AK9: variants seen among roughly 807,000 people sequenced by gnomAD.
The protein encoded by AK9 is adenylate kinase domain containing 1.
AK9 carries 191 observed loss-of-function variants against 239.6 expected under a neutral mutation model. The observed-to-expected ratio is 0.80, with a 90% CI of 0.71 to 0.90. The LOEUF is 0.90. AK9 is among the 40% of genes least tolerant of loss of function. AK9 has a pLI of 0.00. For missense variants in AK9, 1,995 were observed against 2,214.7 expected, an observed-to-expected ratio of 0.90 and a Z score of 1.99; for synonymous variants, 689 against 721.0, an observed-to-expected ratio of 0.96 and a Z score of 0.71.
chr6:109,538,520 C>T (rs1782354756), intron 27 of AK9, among the ~76,000 whole-genome samples: 1 of 152,088 alleles, frequency 6.6e-6, no homozygotes, highest in African/African-American at 2.4e-5. Context: ...AGATGGGTCT[C>T]CTGAATACAG....
intron 1 of AK9, among the ~76,000 whole-genome samples, chr6:109,680,184 C>T (rs1405715088): frequency 6.6e-6 from 1 of 152,108 alleles, no homozygotes; most frequent in Non-Finnish European, 1.5e-5. Context: ...TCTAACCCAA[C>T]TCAAGGAAGC....
chr6:109,505,000 C>T (rs1425828692), intron 35 of AK9, among the ~76,000 whole-genome samples: 1 of 152,206 alleles, frequency 6.6e-6, no homozygotes, highest in Non-Finnish European at 1.5e-5. Context: ...CTTTCAAAGT[C>T]TGCTGTGGAG....
rs561738226 is a variant in AK9 at position 109,614,514 on chromosome 6, G to A, written c.1400-34C>T. The A allele has an allele frequency of 1.6e-4, 248 of 1,524,002 alleles. 2 individuals carry two copies. The South Asian group carries it at 2.2e-3, about 13-fold the overall frequency. 94.4% of individuals were successfully genotyped at this position (1,524,002 alleles called of 1,614,324 possible). ...TAACAATGGGTGGTGTTAGCAAAAC[G>A]TAGTTGGGGATAGAAAAACAGGTAG... On this transcript the variant is annotated intron_variant, in intron 13 of 40. Coordinates refer to ENST00000424296, the MANE Select transcript of AK9 (RefSeq NM_001145128.3).
At chr6:109,581,603 A>C (rs1171854691) in intron 19 of AK9, among the ~76,000 whole-genome samples, 1 of 152,178 alleles carries the variant, frequency 6.6e-6, no homozygotes, top group African/African-American at 2.4e-5. Context: ...CCTGGAGAAG[A>C]AAAGTTTGAA....
intron 21 of AK9, among the ~76,000 whole-genome samples, chr6:109,567,497 A>C (rs1349503712): frequency 6.6e-6 from 1 of 152,168 alleles, no homozygotes; most frequent in East Asian, 1.9e-4. Context: ...ATTCTACCAG[A>C]GGTACAAATA....
chr6:109,567,552 A>G (rs1239896232), intron 21 of AK9, among the ~76,000 whole-genome samples: 1 of 152,052 alleles, frequency 6.6e-6, no homozygotes, highest in Non-Finnish European at 1.5e-5. Flanking sequence ...TCAATGGGAA[A>G]AGGGAATCCT....
At chr6:109,629,342 T>A (rs1479658267) in intron 12 of AK9, among the ~76,000 whole-genome samples, 1 of 152,166 alleles carries the variant, frequency 6.6e-6, no homozygotes, top group East Asian at 1.9e-4. Context: ...TTACAAGTAA[T>A]AGGCAATCAT....
intron 17 of AK9, among the ~76,000 whole-genome samples, chr6:109,597,210 T>G (rs1398748347): frequency 1.3e-5 from 2 of 152,178 alleles, no homozygotes; most frequent in Non-Finnish European, 2.9e-5. Flanking sequence ...ATTGCCACAT[T>G]GCTGCCAAAA....
intron 2 of AK9, among the ~76,000 whole-genome samples, chr6:109,674,774 C>T (rs1771457795): frequency 6.6e-6 from 1 of 152,150 alleles, no homozygotes; most frequent in Non-Finnish European, 1.5e-5. Context: ...TCACTGTTGA[C>T]TTTTTAAAAC....
At chr6:109,589,069 T>C (rs1308405980) in intron 17 of AK9, among the ~76,000 whole-genome samples, 2 of 152,256 alleles carry the variant, frequency 1.3e-5, no homozygotes, top group African/African-American at 4.8e-5. Flanking sequence ...GCTCTTTTTA[T>C]TGTTCTGTAC....
intron 24 of AK9, among the ~76,000 whole-genome samples, chr6:109,558,628 A>G (rs1268764599): frequency 1.3e-4 from 20 of 152,170 alleles, no homozygotes. Context: ...CTATAACTTT[A>G]TAATTAATTA....
Position 109,613,401 on chromosome 6 carries a change from T to C in AK9, c.1609+782A>G, listed in dbSNP as rs1793804982. 1.3e-5 allele frequency among the ~76,000 whole-genome samples: 2 copies of C among 151,892 alleles called. 1 individual carries two copies. Among genetic ancestry groups the C allele is most frequent in the South Asian group, 4.1e-4 (2 of 4,832 alleles). On this transcript the variant is annotated intron_variant, in intron 15 of 40. Transcript: ENST00000424296. Reference sequence around the variant, plus strand: ...AAGAAATATAAATGGTTAACAAATATGAATATAAATTTCTGAAGTAAAAAT... The same window carrying C: ...AAGAAATATAAATGGTTAACAAATACGAATATAAATTTCTGAAGTAAAAAT...
chr6:109,540,233 A>G (rs899186576), intron 27 of AK9, among the ~76,000 whole-genome samples: 11 of 152,142 alleles, frequency 7.2e-5, no homozygotes, highest in African/African-American at 2.7e-4. Context: ...GGCCTCCTTG[A>G]GCTGCAGTGT....
chr6:109,543,940 G>A (rs922608159), intron 26 of AK9, among the ~76,000 whole-genome samples: 2 of 151,862 alleles, frequency 1.3e-5, no homozygotes, highest in Non-Finnish European at 2.9e-5. Flanking sequence ...GCAACATGAT[G>A]AAATCCCATC....
intron 17 of AK9, among the ~76,000 whole-genome samples, chr6:109,600,629 T>C (rs976924977): frequency 6.6e-6 from 1 of 152,280 alleles, no homozygotes; most frequent in African/African-American, 2.4e-5. Context: ...TTTTCTATTG[T>C]TTGGATTAGT....
At chr6:109,661,535 T>C (rs1261703769) in intron 6 of AK9, among the ~76,000 whole-genome samples, 1 of 152,354 alleles carries the variant, frequency 6.6e-6, no homozygotes, top group Non-Finnish European at 1.5e-5. Context: ...TTAGTTTTTG[T>C]ATGTGGTTTC....
intron 35 of AK9, among the ~76,000 whole-genome samples, chr6:109,500,511 T>C (rs1434264451): frequency 6.6e-6 from 1 of 152,246 alleles, no homozygotes; most frequent in African/African-American, 2.4e-5. Flanking sequence ...GTTGTCGTTT[T>C]ACCAAGGCAA....
At chr6:109,646,424 T>C (rs1289773339) in intron 8 of AK9, among the ~76,000 whole-genome samples, 2 of 152,062 alleles carry the variant, frequency 1.3e-5, no homozygotes, top group South Asian at 2.1e-4. Context: ...CTGAAAACCA[T>C]GGCATGAGAA....
At chr6:109,599,423 C>T (rs1791580632) in intron 17 of AK9, among the ~76,000 whole-genome samples, 1 of 152,086 alleles carries the variant, frequency 6.6e-6, no homozygotes, top group African/African-American at 2.4e-5. Flanking sequence ...TGTTCTGTTC[C>T]ATTGGTCTAT....
Sources: gnomAD v4.1 joint callset for allele counts (sites outside exome capture counted in the v4.1 genomes callset) on GRCh38, gnomAD v4.1.1 for gene constraint, MANE v1.5 for transcripts, NCBI Gene and HGNC (gene_info 2026-07-23, HGNC 2026-07-21) for gene names.